Variants in ADAMTS3 observed in about 807,000 individuals in gnomAD.
ADAMTS3 encodes A disintegrin and metalloproteinase with thrombospondin motifs 3.
A neutral mutation model predicts 129.0 loss-of-function variants in ADAMTS3; 73 were observed. That is an observed-to-expected ratio of 0.57 (90% CI 0.47 to 0.69). The LOEUF (loss-of-function observed/expected upper bound fraction) is 0.69, where lower values mean the gene tolerates loss of function less well. Among genes scored for constraint, ADAMTS3 ranks in the 30% least tolerant of loss-of-function variants. The pLI, the probability that ADAMTS3 is intolerant of heterozygous loss-of-function variation, is 0.00. For missense variants in ADAMTS3, 1,457 were observed against 1,514.5 expected, an observed-to-expected ratio of 0.96 and a Z score of 0.63; for synonymous variants, 477 against 510.8, an observed-to-expected ratio of 0.93 and a Z score of 0.89.
At chr4:72,479,353 A>T (rs1052137262) in intron 3 of ADAMTS3, among the ~76,000 whole-genome samples, 1 of 152,114 alleles carries the variant, frequency 6.6e-6, no homozygotes, top group Non-Finnish European at 1.5e-5. Context: ...GAGATATAGA[A>T]CAATGGAACA....
chr4:72,526,532 T>G (rs1720810939), intron 3 of ADAMTS3, among the ~76,000 whole-genome samples: 1 of 148,068 alleles, frequency 6.8e-6, no homozygotes, highest in East Asian at 2.0e-4. Flanking sequence ...TAAAACAGTC[T>G]ACTAATTAGT....
chr4:72,455,933 T>TGTATAGTATATATACTATATATATTTTAC lies in ADAMTS3; in HGVS notation c.505-40963_505-40962insGTAAAATATATATAGTATATATACTATAC, dbSNP rs1288434094. Among the ~76,000 whole-genome samples the TGTATAGTATATATACTATATATATTTTAC allele has an allele frequency of 2.6e-5, 2 of 77,908 alleles. 1 individual carries two copies. Among genetic ancestry groups the TGTATAGTATATATACTATATATATTTTAC allele is most frequent in the Non-Finnish European group, 5.0e-5 (2 of 40,358 alleles). 51.1% of individuals were successfully genotyped at this position (77,908 alleles called of 152,430 possible). A position where few individuals can be genotyped will look rare whatever the true frequency, so the allele number is the denominator to read the frequency against. ...CTGTATATATACTATATATATTTTA[T>TGTATAGTATATATACTATATATATTTTAC]ATATAGTATATATACAGTATATATA... is the stretch of plus-strand genomic sequence containing the variant. On this transcript the variant is annotated intron_variant, in intron 3 of 21. Transcript: ENST00000286657.
At chr4:72,285,365 T>C (rs1260249821) in intron 21 of ADAMTS3, among the ~76,000 whole-genome samples, 2 of 151,650 alleles carry the variant, frequency 1.3e-5, no homozygotes, top group Non-Finnish European at 2.9e-5. Context: ...TTAAATATTT[T>C]CTCATGTGTG....
chr4:72,508,654 A>G (rs1016952876), intron 3 of ADAMTS3, among the ~76,000 whole-genome samples: 2 of 152,124 alleles, frequency 1.3e-5, no homozygotes, highest in Non-Finnish European at 2.9e-5. Context: ...GCTATTCATT[A>G]TTACATTCTA....
chr4:72,434,506 C>T (rs1262095379), intron 3 of ADAMTS3, among the ~76,000 whole-genome samples: 1 of 151,748 alleles, frequency 6.6e-6, no homozygotes, highest in Non-Finnish European at 1.5e-5. Flanking sequence ...ATCTAAACCT[C>T]TGAGGTTGGG....
At chr4:72,387,616 T>C (rs534003394) in intron 4 of ADAMTS3, among the ~76,000 whole-genome samples, 28 of 152,286 alleles carry the variant, frequency 1.8e-4, no homozygotes, top group African/African-American at 6.3e-4. Flanking sequence ...GAGTGAGCCT[T>C]ATCTCACTCT....
intron 4 of ADAMTS3, among the ~76,000 whole-genome samples, chr4:72,363,288 T>C (rs976042663): frequency 6.6e-6 from 1 of 151,852 alleles, no homozygotes. Context: ...ATTCAAGAAA[T>C]AAGAAGTATG....
intron 4 of ADAMTS3, among the ~76,000 whole-genome samples, chr4:72,386,003 T>G (rs1006790476): frequency 2.0e-5 from 3 of 152,262 alleles, no homozygotes; most frequent in African/African-American, 7.2e-5. Flanking sequence ...TTTAGGCGTG[T>G]TAAGAAATCT....
intron 15 of ADAMTS3, 101 bp downstream of exon 15, chr4:72,309,296 G>A: frequency 8.6e-7 from 1 of 1,163,054 alleles, no homozygotes; most frequent in East Asian, 2.5e-5. Flanking sequence ...GCTAAATTTT[G>A]ATTATGTTTA....
In ADAMTS3 at chr4:72,393,588, G is replaced by C. The variant is rs150602248; in HGVS notation, c.661+21227C>G. Among the ~76,000 whole-genome samples, 238 of 152,192 alleles carry C rather than the reference G, an allele frequency of 1.6e-3. 1 individual carries two copies. Among genetic ancestry groups the C allele is most frequent in the Non-Finnish European group, 2.7e-3 (185 of 68,004 alleles). ...CACCAATTTTGTCATTAAAAATCAA[G>C]AGCTAAATCTTGTTACCTTCAAACG... is the stretch of plus-strand genomic sequence containing the variant. On this transcript the variant is annotated intron_variant, in intron 4 of 21. Transcript: ENST00000286657.
chr4:72,433,233 A>C (rs1006440789), intron 3 of ADAMTS3, among the ~76,000 whole-genome samples: 6 of 151,986 alleles, frequency 3.9e-5, no homozygotes, highest in South Asian at 2.1e-4. Context: ...CTCCAGCTAG[A>C]AGCTCAGTAG....
intron 10 of ADAMTS3, among the ~76,000 whole-genome samples, chr4:72,316,529 C>T (rs1435442836): frequency 6.6e-6 from 1 of 151,794 alleles, no homozygotes; most frequent in Non-Finnish European, 1.5e-5. Flanking sequence ...CTACTAAAAA[C>T]ACAAAAAAAT....
At chr4:72,541,383 T>A (rs932108273) in intron 3 of ADAMTS3, among the ~76,000 whole-genome samples, 1 of 152,200 alleles carries the variant, frequency 6.6e-6, no homozygotes, top group Non-Finnish European at 1.5e-5. Flanking sequence ...TACAGGCTCA[T>A]AGGTGGAAGG....
chr4:72,517,304 G>T (rs1029940955), intron 3 of ADAMTS3, among the ~76,000 whole-genome samples: 41 of 152,016 alleles, frequency 2.7e-4, no homozygotes, highest in African/African-American at 9.2e-4. Flanking sequence ...TCTCTTTTTT[G>T]GTTGTGTCTC....
At chr4:72,524,304 G>A (rs1183997959) in intron 3 of ADAMTS3, among the ~76,000 whole-genome samples, 2 of 152,068 alleles carry the variant, frequency 1.3e-5, no homozygotes, top group Admixed American at 1.3e-4. Flanking sequence ...ACTCGGAATT[G>A]TCATACATTG....
chr4:72,371,548 A>C (rs1193879020), intron 4 of ADAMTS3, among the ~76,000 whole-genome samples: 1 of 151,714 alleles, frequency 6.6e-6, no homozygotes, highest in Admixed American at 6.6e-5. Context: ...AACAAAAAAT[A>C]TATATATTTA....
intron 4 of ADAMTS3, among the ~76,000 whole-genome samples, chr4:72,392,432 C>G (rs1299434563): frequency 6.6e-6 from 1 of 152,144 alleles, no homozygotes; most frequent in Admixed American, 6.5e-5. Context: ...AAAAATCCAC[C>G]CCCTTAATCC....
chr4:72,450,693 G>A (rs568838245), intron 3 of ADAMTS3, among the ~76,000 whole-genome samples: 71 of 151,768 alleles, frequency 4.7e-4, no homozygotes, highest in African/African-American at 1.7e-3. Context: ...CTGCAAAAGT[G>A]TAGACTCCAT....
intron 3 of ADAMTS3, among the ~76,000 whole-genome samples, chr4:72,501,761 T>C (rs1313480027): frequency 6.7e-6 from 1 of 149,534 alleles, no homozygotes; most frequent in Non-Finnish European, 1.5e-5. Flanking sequence ...TAGACAGTTA[T>C]TAAAATTTTG....
Sources: gnomAD v4.1 joint callset for allele counts (sites outside exome capture counted in the v4.1 genomes callset) on GRCh38, gnomAD v4.1.1 for gene constraint, MANE v1.5 for transcripts, NCBI Gene and HGNC (gene_info 2026-07-23, HGNC 2026-07-21) for gene names.